Variants in HLCS observed in about 807,000 individuals in gnomAD.
HLCS encodes biotin--protein ligase.
A neutral mutation model predicts 75.0 loss-of-function variants in HLCS; 53 were observed. The ratio of observed to expected loss-of-function variants is 0.71; its 90% CI spans 0.57 to 0.89. The LOEUF is 0.89. HLCS is among the 40% of genes least tolerant of loss of function. The probability of loss-of-function intolerance (pLI) is 0.00; values close to 1 mark genes in which losing one functional copy is unlikely to be tolerated. For synonymous variants in HLCS, 431 were observed against 428.6 expected (o/e 1.01, Z -0.07); for missense variants, 966 against 1,074.0 (o/e 0.90, Z 1.41).
intron 4 of HLCS, among the ~76,000 whole-genome samples, chr21:36,933,044 G>T (rs1380782128): frequency 6.6e-6 from 1 of 152,184 alleles, no homozygotes; most frequent in African/African-American, 2.4e-5. Flanking sequence ...CTTGAACCTG[G>T]GAGGCAGAGG....
At chr21:36,981,935 T>C (rs1350489915) in intron 1 of HLCS, among the ~76,000 whole-genome samples, 1 of 152,132 alleles carries the variant, frequency 6.6e-6, no homozygotes, top group African/African-American at 2.4e-5. Flanking sequence ...AATAGGAAAA[T>C]GAATCAAGTC....
At chr21:36,774,644 C>G (rs1003103666) in intron 6 of HLCS, among the ~76,000 whole-genome samples, 1 of 152,128 alleles carries the variant, frequency 6.6e-6, no homozygotes, top group Non-Finnish European at 1.5e-5. Flanking sequence ...AAATTCTATA[C>G]GTGATGCCTC....
At chr21:36,806,125 C>A (rs1456469269) in intron 6 of HLCS, 4 of 152,232 alleles carry the variant, frequency 2.6e-5, no homozygotes, top group African/African-American at 9.7e-5. Context: ...ACTTGGTAGA[C>A]AGACATGTTC....
At chr21:36,934,217 T>A (rs1455939326) in intron 4 of HLCS, among the ~76,000 whole-genome samples, 1 of 152,136 alleles carries the variant, frequency 6.6e-6, no homozygotes, top group Non-Finnish European at 1.5e-5. Context: ...AAATAAGACT[T>A]TTTAGTTGGA....
chr21:36,800,353 A>G (rs185424291), intron 6 of HLCS, among the ~76,000 whole-genome samples: 1 of 152,318 alleles, frequency 6.6e-6, no homozygotes, highest in East Asian at 1.9e-4. Context: ...AGACACAAAG[A>G]AACAGCAGTC....
At chr21:36,935,581 T>C (rs1413122963) in intron 4 of HLCS, among the ~76,000 whole-genome samples, 6 of 152,200 alleles carry the variant, frequency 3.9e-5, no homozygotes. Context: ...GGAACTCTTC[T>C]GGACAAAATA....
intron 6 of HLCS, among the ~76,000 whole-genome samples, chr21:36,803,438 C>T (rs73212667): frequency 0.075 from 11,361 of 152,274 alleles, 467 homozygotes; most frequent in African/African-American, 0.094. Flanking sequence ...AATCTGGATT[C>T]CAGAAACGCT....
Position 36,936,736 on chromosome 21 carries a change from G to A in HLCS, c.1150C>T (p.Leu384Phe), listed in dbSNP as rs538157231. ...CCCAACACCTTCCCTCCCTGAGAAA[G>A]ATAGGCCATGAACTTCTGGTACAGG... ...EDLYQKFMAY[L>F]SQGGKVLGLS... is the part of the protein sequence containing the mutation. The change falls in exon 4 of 11, where the codon CTT (leucine) becomes TTT (phenylalanine). Residue 384 changes from leucine to phenylalanine, a missense_variant. Transcript: ENST00000674895. 2.5e-6 allele frequency: 4 copies of A among 1,614,254 alleles called. No individual in the cohort carries two copies. The highest frequency in any genetic ancestry group is 3.4e-6 in the Non-Finnish European group (4 of 1,180,054).
intron 6 of HLCS, among the ~76,000 whole-genome samples, chr21:36,812,977 T>G (rs1207710556): frequency 6.6e-6 from 1 of 152,180 alleles, no homozygotes; most frequent in African/African-American, 2.4e-5. Context: ...AAGGATTGCC[T>G]GAGCCTAGGA....
At chr21:36,939,660 C>G (rs1344475586) in intron 2 of HLCS, among the ~76,000 whole-genome samples, 2 of 152,144 alleles carry the variant, frequency 1.3e-5, no homozygotes, top group Non-Finnish European at 2.9e-5. Context: ...GCAAAACACC[C>G]GGCTTAGCCT....
chr21:36,925,687 G>C (rs2066372261), intron 5 of HLCS, among the ~76,000 whole-genome samples: 1 of 152,216 alleles, frequency 6.6e-6, no homozygotes, highest in Non-Finnish European at 1.5e-5. Context: ...TCAGGTCCCA[G>C]CCGGTCCTAA....
chr21:36,782,625 G>A (rs1296925299), intron 6 of HLCS, among the ~76,000 whole-genome samples: 7 of 151,914 alleles, frequency 4.6e-5, no homozygotes, highest in South Asian at 4.2e-4. Context: ...GAGCATTACC[G>A]AACAGCAAAG....
intron 6 of HLCS, among the ~76,000 whole-genome samples, chr21:36,816,356 A>G (rs922759404): frequency 6.6e-6 from 1 of 151,582 alleles, no homozygotes; most frequent in Non-Finnish European, 1.5e-5. Flanking sequence ...TGATCACACC[A>G]CTGCACTCCA....
In HLCS at chr21:36,828,435, G is replaced by A. The variant is rs189351676; in HGVS notation, c.1893-61150C>T. On this transcript the variant is annotated intron_variant, in intron 6 of 10. Coordinates refer to ENST00000674895, the MANE Select transcript of HLCS (RefSeq NM_001352514.2). ...TAAATGGTTATACTTCACTGGAGTC[G>A]GCAGGATCAACACCCTGGAAACGTT... 5.3e-5 allele frequency among the ~76,000 whole-genome samples: 8 copies of A among 152,150 alleles called. 1 individual carries two copies. The highest frequency in any genetic ancestry group is 8.8e-5 in the Non-Finnish European group (6 of 68,010).
At chr21:36,948,636 G>C (rs968053379) in intron 2 of HLCS, among the ~76,000 whole-genome samples, 1 of 149,472 alleles carries the variant, frequency 6.7e-6, no homozygotes, top group Non-Finnish European at 1.5e-5. Context: ...AGATTAGGTG[G>C]GAGGATGGAT....
At chr21:36,929,347 G>A (rs1039957909) in intron 5 of HLCS, among the ~76,000 whole-genome samples, 1 of 152,234 alleles carries the variant, frequency 6.6e-6, no homozygotes, top group Non-Finnish European at 1.5e-5. Context: ...AGAAGGTCTA[G>A]GGGACTGGCA....
intron 2 of HLCS, among the ~76,000 whole-genome samples, chr21:36,953,413 G>C (rs1185152921): frequency 6.6e-6 from 1 of 152,182 alleles, no homozygotes; most frequent in African/African-American, 2.4e-5. Context: ...GGGAAGACAG[G>C]AGAAGGAACC....
At chr21:36,784,637 T>C (rs747804745) in intron 6 of HLCS, among the ~76,000 whole-genome samples, 10 of 152,112 alleles carry the variant, frequency 6.6e-5, no homozygotes, top group Non-Finnish European at 1.2e-4. Flanking sequence ...TAAAATGCAT[T>C]TGTGTAAGTT....
intron 1 of HLCS, among the ~76,000 whole-genome samples, chr21:36,977,940 C>T (rs1369684573): frequency 6.6e-6 from 1 of 152,190 alleles, no homozygotes; most frequent in Non-Finnish European, 1.5e-5. Context: ...TTCACTTCAT[C>T]CTCATGAGCG....
Sources: allele counts gnomAD v4.1 joint callset (sites outside exome capture counted in the v4.1 genomes callset), GRCh38; gene constraint gnomAD v4.1.1; transcripts MANE v1.5; gene names NCBI Gene and HGNC (gene_info 2026-07-23, HGNC 2026-07-21).